Variants in TNNI3K observed in about 807,000 individuals in gnomAD.
TNNI3K encodes serine/threonine-protein kinase TNNI3K.
TNNI3K carries 140 observed loss-of-function variants against 114.5 expected under a neutral mutation model. That is an observed-to-expected ratio of 1.22 (90% CI 1.07 to 1.41). The LOEUF is 1.41. TNNI3K is among the 40% of genes most tolerant of loss of function. The pLI is 0.00. For synonymous variants in TNNI3K, 347 were observed against 347.5 expected, an observed-to-expected ratio of 1.00 and a Z score of 0.02; for missense variants, 1,125 against 1,007.6, an observed-to-expected ratio of 1.12 and a Z score of -1.58.
chr1:74,485,394 T>C (rs1224222256), intron 21 of TNNI3K, among the ~76,000 whole-genome samples: 6 of 152,150 alleles, frequency 3.9e-5, no homozygotes, highest in Non-Finnish European at 8.8e-5. Flanking sequence ...CATGGATGTG[T>C]GGTTCAGGGG....
rs566023357 is a variant in TNNI3K, at chr1:74,419,038, C to T, written c.1773-17042C>T. ...ATCTATATTAGTTTCCTGTGGCTTTCGTAACAAATTATCAAAAGTTGGTGG... is the reference window on the plus strand; with the variant it reads ...ATCTATATTAGTTTCCTGTGGCTTTTGTAACAAATTATCAAAAGTTGGTGG... On this transcript the variant is annotated intron_variant, in intron 17 of 24. Transcript: ENST00000326637. Among the ~76,000 whole-genome samples, 10 of 152,126 alleles carry T rather than the reference C, an allele frequency of 6.6e-5. No homozygotes were observed. The South Asian group carries it at 8.3e-4, about 13-fold the overall frequency.
chr1:74,409,492 CT>C (rs540218540), intron 17 of TNNI3K, among the ~76,000 whole-genome samples: 8,278 of 124,824 alleles, frequency 0.066, 183 homozygotes, highest in African/African-American at 0.11. Context: ...CTATTTGTTT[CT>C]TTTTTTTTTT....
chr1:74,310,941 C>T (rs999883629), intron 5 of TNNI3K, among the ~76,000 whole-genome samples: 1 of 152,162 alleles, frequency 6.6e-6, no homozygotes, highest in South Asian at 2.1e-4. Flanking sequence ...ATAACCTCTA[C>T]TACCTCACTG....
intron 23 of TNNI3K, among the ~76,000 whole-genome samples, chr1:74,509,693 T>C (rs1377420703): frequency 1.3e-5 from 2 of 151,826 alleles, no homozygotes; most frequent in Non-Finnish European, 2.9e-5. Flanking sequence ...AGTGTTGTGT[T>C]TGATTTTGAA....
intron 20 of TNNI3K, among the ~76,000 whole-genome samples, chr1:74,443,725 A>G (rs1182909838): frequency 6.6e-6 from 1 of 152,218 alleles, no homozygotes; most frequent in Admixed American, 6.5e-5. Flanking sequence ...ACTTCAGACC[A>G]ATATCCCTCA....
intron 17 of TNNI3K, among the ~76,000 whole-genome samples, chr1:74,393,495 C>T (rs1663905771): frequency 6.6e-6 from 1 of 152,116 alleles, no homozygotes; most frequent in Non-Finnish European, 1.5e-5. Context: ...TAACAGACCA[C>T]AAAAGGACTA....
chr1:74,468,516 C>T (rs1259182387), intron 21 of TNNI3K: 1 of 151,940 alleles, frequency 6.6e-6, no homozygotes, highest in Admixed American at 6.6e-5. Context: ...GCAATAAAGT[C>T]TTGAATATTG....
chr1:74,294,082 TTGA>T (rs1388374778), intron 5 of TNNI3K, among the ~76,000 whole-genome samples: 1 of 151,774 alleles, frequency 6.6e-6, no homozygotes, highest in Non-Finnish European at 1.5e-5. Flanking sequence ...ATTCAGATTG[TTGA>T]TGTTTTTATT....
chr1:74,376,395 A>G (rs1475451385), intron 17 of TNNI3K, among the ~76,000 whole-genome samples: 1 of 151,960 alleles, frequency 6.6e-6, no homozygotes, highest in Non-Finnish European at 1.5e-5. Context: ...GACTTTTCTA[A>G]TAAGTGCTTA....
intron 23 of TNNI3K, among the ~76,000 whole-genome samples, chr1:74,515,681 C>A (rs1047760307): frequency 1.3e-5 from 2 of 152,070 alleles, no homozygotes; most frequent in East Asian, 3.9e-4. Flanking sequence ...TGGGCAGACA[C>A]AACAGGTGAG....
At chr1:74,500,475 G>A (rs1331440830) in intron 23 of TNNI3K, among the ~76,000 whole-genome samples, 2 of 150,278 alleles carry the variant, frequency 1.3e-5, no homozygotes, top group African/African-American at 2.4e-5. Flanking sequence ...GTAGTGGCGG[G>A]CGCCTGTAGT....
chr1:74,337,322 T>C (rs1660525416), intron 7 of TNNI3K, among the ~76,000 whole-genome samples: 1 of 151,518 alleles, frequency 6.6e-6, no homozygotes, highest in Admixed American at 6.6e-5. Flanking sequence ...CTGATGGTAG[T>C]TTCTTTTGCT....
intron 7 of TNNI3K, among the ~76,000 whole-genome samples, chr1:74,338,683 A>G (rs543577745): frequency 7.2e-5 from 11 of 152,288 alleles, no homozygotes; most frequent in South Asian, 6.2e-4. Flanking sequence ...TTATCTACCC[A>G]TAAGGAATAT....
In TNNI3K at chr1:74,353,370, T is replaced by C. The variant is rs1661483288; in HGVS notation, c.1027+10T>C. 1 of 1,612,572 alleles carries C rather than the reference T, an allele frequency of 6.2e-7. No homozygotes were observed. Among genetic ancestry groups the C allele is most frequent in the African/African-American group, 1.3e-5 (1 of 74,828 alleles). Reference sequence around the variant, plus strand: ...AGGGATGGGCACACTGGTAAGACTGTGGTGAAAACACCACTAGTTCTATAT... The same window carrying C: ...AGGGATGGGCACACTGGTAAGACTGCGGTGAAAACACCACTAGTTCTATAT... On this transcript the variant is annotated intron_variant, in intron 10 of 24. Transcript: ENST00000326637.
chr1:74,271,647 A>T lies in TNNI3K; in HGVS notation c.383A>T (p.Gln128Leu). 6.2e-7 allele frequency: 1 copy of T among 1,609,866 alleles called. No individual in the cohort carries two copies. The highest frequency in any genetic ancestry group is 8.5e-7 in the Non-Finnish European group (1 of 1,177,484). The change falls in exon 5 of 25, where the codon CAG (glutamine) becomes CTG (leucine). Residue 128 changes from glutamine (Q) to leucine (L), a missense_variant. Coordinates refer to ENST00000326637, the MANE Select transcript of TNNI3K (RefSeq NM_015978.3). ...CTGCTTCACAGTGGAGCTGATATAC[A>T]GCAGGTTGGATACGGTGGCCTCACT... Reference protein sequence around the residue: ...TSLLHSGADIQQVGYGGLTAL... With the variant: ...TSLLHSGADILQVGYGGLTAL...
At chr1:74,346,429 CTT>C (rs1466668579) in intron 9 of TNNI3K, among the ~76,000 whole-genome samples, 1 of 152,078 alleles carries the variant, frequency 6.6e-6, no homozygotes, top group South Asian at 2.1e-4. Context: ...GCAGGGAACT[CTT>C]ATATCTTATC....
intron 17 of TNNI3K, chr1:74,372,698 T>A (rs533819152): frequency 6.6e-6 from 1 of 151,812 alleles, no homozygotes; most frequent in African/African-American, 2.4e-5. Context: ...AAATGAGTAA[T>A]CATTGCAATA....
rs760008465 is a variant in TNNI3K, at chr1:74,369,444, A to T, written c.1526A>T (p.Glu509Val). Residue 509 changes from glutamate (E) to valine (V), a missense_variant, in exon 16 of 25, where the codon GAG (glutamate) becomes GTG (valine). Glu to Val is a moderately radical substitution (Grantham distance 121, BLOSUM62 -2). Transcript: ENST00000326637. ...TCAGATGTGGATATGTTTTGCCGAG[A>T]GGTGTCCATTCTCTGCCAGCTCAAT... is the stretch of plus-strand genomic sequence containing the variant. The part of the protein sequence containing the change: ...SKSDVDMFCR[E>V]VSILCQLNHP... The T allele has an allele frequency of 6.2e-6, 10 of 1,612,396 alleles. No individual in the cohort carries two copies. The highest frequency in any genetic ancestry group is 8.5e-6 in the Non-Finnish European group (10 of 1,179,160).
intron 17 of TNNI3K, among the ~76,000 whole-genome samples, chr1:74,423,500 G>T (rs376092870): frequency 5.3e-5 from 8 of 152,200 alleles, no homozygotes; most frequent in African/African-American, 1.7e-4. Context: ...GAACAATGTG[G>T]ATTCTAATCA....
Sources: gnomAD v4.1 joint callset for allele counts (sites outside exome capture counted in the v4.1 genomes callset) on GRCh38, gnomAD v4.1.1 for gene constraint, MANE v1.5 for transcripts, NCBI Gene and HGNC (gene_info 2026-07-23, HGNC 2026-07-21) for gene names.